Variants in IMPG1 observed in about 807,000 individuals in gnomAD.
IMPG1 encodes interphotoreceptor matrix proteoglycan of 150 kDa.
In IMPG1, 85 loss-of-function variants were observed where a neutral mutation model predicts 92.0. The observed-to-expected ratio is 0.92, with a 90% confidence interval of 0.78 to 1.11. IMPG1 has a LOEUF of 1.11. Among genes scored for constraint, IMPG1 ranks in the 50% least tolerant of loss-of-function variants. IMPG1 has a pLI of 0.00. For synonymous variants in IMPG1, 367 were observed against 334.1 expected, an observed-to-expected ratio of 1.10 and a Z score of -1.08; for missense variants, 1,022 against 956.0, an observed-to-expected ratio of 1.07 and a Z score of -0.91.
intron 7 of IMPG1, among the ~76,000 whole-genome samples, chr6:76,017,630 A>G (rs1162133999): frequency 1.3e-5 from 2 of 152,232 alleles, no homozygotes; most frequent in African/African-American, 2.4e-5. Flanking sequence ...GAATTTGTCT[A>G]TAAGTATATA....
At chr6:76,020,193 C>T (rs934795234) in intron 6 of IMPG1, among the ~76,000 whole-genome samples, 6 of 152,236 alleles carry the variant, frequency 3.9e-5, no homozygotes, top group South Asian at 2.1e-4. Context: ...GCTGGGACTA[C>T]AGGCATGGAC....
chr6:76,025,726 T>G (rs1783515512), intron 4 of IMPG1, among the ~76,000 whole-genome samples: 1 of 152,188 alleles, frequency 6.6e-6, no homozygotes, highest in African/African-American at 2.4e-5. Flanking sequence ...GGGAAAGAGA[T>G]AGATTTCTGG....
At chr6:76,004,544 G>A (rs1014250470) in intron 10 of IMPG1, among the ~76,000 whole-genome samples, 2 of 152,148 alleles carry the variant, frequency 1.3e-5, no homozygotes, top group Non-Finnish European at 2.9e-5. Flanking sequence ...GGCAGAAAAT[G>A]ACAGTTTCAT....
At chr6:76,010,741 A>T (rs1477039145) in intron 8 of IMPG1, among the ~76,000 whole-genome samples, 1 of 152,174 alleles carries the variant, frequency 6.6e-6, no homozygotes, top group Non-Finnish European at 1.5e-5. Context: ...CTCTCTTGGG[A>T]AGCATGGTTT....
At chr6:75,955,445 AT>A (rs1225304569) in intron 12 of IMPG1, among the ~76,000 whole-genome samples, 1 of 152,126 alleles carries the variant, frequency 6.6e-6, no homozygotes, top group African/African-American at 2.4e-5. Flanking sequence ...AATACTTGTG[AT>A]TTTTGCACAT....
chr6:75,991,684 G>A (rs917587688), intron 12 of IMPG1, among the ~76,000 whole-genome samples: 5 of 151,912 alleles, frequency 3.3e-5, no homozygotes, highest in Non-Finnish European at 7.4e-5. Flanking sequence ...CTTCTGCTAC[G>A]AGCTCCTTCC....
At chr6:75,992,736 A>G (rs1014410809) in intron 12 of IMPG1, among the ~76,000 whole-genome samples, 1 of 151,942 alleles carries the variant, frequency 6.6e-6, no homozygotes, top group Non-Finnish European at 1.5e-5. Flanking sequence ...TCCTTCCCCT[A>G]CTTATTTCTC....
chr6:75,937,399 C>T (rs972164389), intron 14 of IMPG1, among the ~76,000 whole-genome samples: 2 of 152,068 alleles, frequency 1.3e-5, no homozygotes, highest in African/African-American at 4.8e-5. Flanking sequence ...AATAAACAGC[C>T]TCTATAACCC....
rs1781493522 is a variant in IMPG1, at chr6:75,924,531, A to AATTAATATAATTATATATTAT, written c.2244-826_2244-825insATAATATATAATTATATTAAT. Among the ~76,000 whole-genome samples, 5 of 44,756 alleles carry AATTAATATAATTATATATTAT rather than the reference A, an allele frequency of 1.1e-4. No homozygotes were observed. In the East Asian group the frequency reaches 2.8e-3, roughly 25 times the overall value. 29.4% of individuals were successfully genotyped at this position (44,756 alleles called of 152,430 possible). A position where few individuals can be genotyped will look rare whatever the true frequency, so the allele number is the denominator to read the frequency against. On this transcript the variant is annotated intron_variant, in intron 15 of 16. Coordinates refer to ENST00000369950, the MANE Select transcript of IMPG1 (RefSeq NM_001563.4). ...TATAATTAATATAATTATATATTAT[A>AATTAATATAATTATATATTAT]ATATAATTATATAATATAATTAATA... is the stretch of plus-strand genomic sequence containing the variant.
rs191740403 is a variant in IMPG1, at chr6:76,000,736, T to C, written c.1291+2182A>G. ...TAAATTGATCAATTAGGAAGTCATC[T>C]GTGACTTTTGTGAAAGTTACATCCC... On this transcript the variant is annotated intron_variant, in intron 12 of 16. Coordinates refer to ENST00000369950, the MANE Select transcript of IMPG1 (RefSeq NM_001563.4). Among the ~76,000 whole-genome samples the C allele has an allele frequency of 2.4e-4, 36 of 152,336 alleles. 1 individual carries two copies. The highest frequency in any genetic ancestry group is 1.5e-3 in the Admixed American group (23 of 15,300).
Position 75,950,662 on chromosome 6 carries a change from A to T in IMPG1, c.1724T>A (p.Val575Glu). Residue 575 changes from valine (V) to glutamate (E), a missense_variant, in exon 13 of 17, where the codon GTG becomes GAG. Val to Glu is a moderately radical substitution (Grantham distance 121). Coordinates refer to ENST00000369950, the MANE Select transcript of IMPG1 (RefSeq NM_001563.4). ...TIAPKGRELV[V>E]FFSLRVANMA... Reference sequence around the variant, plus strand: ...GTTAGCAACACGCAGACTGAAGAACACTACCAGCTCTCGGCCCTTGGGGGC... The same window carrying T: ...GTTAGCAACACGCAGACTGAAGAACTCTACCAGCTCTCGGCCCTTGGGGGC... The T allele has an allele frequency of 6.2e-7, 1 of 1,613,912 alleles. No individual in the cohort carries two copies. The highest frequency in any genetic ancestry group is 1.1e-5 in the South Asian group (1 of 91,068).
chr6:75,989,155 C>T (rs907538338), intron 12 of IMPG1, among the ~76,000 whole-genome samples: 3 of 152,128 alleles, frequency 2.0e-5, no homozygotes, highest in Admixed American at 1.3e-4. Context: ...ATGGCATGAT[C>T]ATAGCTCACT....
At chr6:75,997,924 A>G (rs1443957288) in intron 12 of IMPG1, among the ~76,000 whole-genome samples, 1 of 152,192 alleles carries the variant, frequency 6.6e-6, no homozygotes, top group Non-Finnish European at 1.5e-5. Flanking sequence ...ACAGATGGTA[A>G]TTATAAATCC....
chr6:75,963,694 G>A (rs1582070156), intron 12 of IMPG1, among the ~76,000 whole-genome samples: 2 of 152,172 alleles, frequency 1.3e-5, no homozygotes, highest in African/African-American at 4.8e-5. Flanking sequence ...AGTGAACTTT[G>A]TGGCATTTTT....
chr6:75,965,673 G>A (rs527402319), intron 12 of IMPG1, among the ~76,000 whole-genome samples: 20 of 139,478 alleles, frequency 1.4e-4, no homozygotes, highest in Non-Finnish European at 2.4e-4. Flanking sequence ...AGTGTGGCCG[G>A]TCTTGGCTTA....
chr6:76,042,869 C>T (rs1414462063), intron 1 of IMPG1, among the ~76,000 whole-genome samples: 1 of 152,100 alleles, frequency 6.6e-6, no homozygotes, highest in African/African-American at 2.4e-5. Context: ...CTGGACCTCT[C>T]ATAATAACTT....
At chr6:75,924,877 C>G (rs1781525594) in intron 15 of IMPG1, among the ~76,000 whole-genome samples, 2 of 142,530 alleles carry the variant, frequency 1.4e-5, no homozygotes, top group Admixed American at 1.5e-4. Context: ...ATAAGCCAGA[C>G]ACAGACAAAT....
chr6:76,009,821 G>A (rs1783153904), intron 8 of IMPG1, among the ~76,000 whole-genome samples: 1 of 152,140 alleles, frequency 6.6e-6, no homozygotes, highest in Non-Finnish European at 1.5e-5. Flanking sequence ...ATTTATTGAA[G>A]GGAGGTGGAT....
chr6:75,930,948 C>G lies in IMPG1; in HGVS notation c.2243+5G>C. 6.2e-7 allele frequency: 1 copy of G among 1,613,354 alleles called. No homozygotes were observed. Among genetic ancestry groups the G allele is most frequent in the East Asian group, 2.2e-5 (1 of 44,876 alleles). On this transcript the variant is annotated splice_donor_5th_base_variant and intron_variant, in intron 15 of 16. Transcript: ENST00000369950. ...GAGTCTGTGACGTTAGCATGCTTGA[C>G]CCACCTGCATGGAGCTCCCTTTCCC...
Sources: gnomAD v4.1 joint callset for allele counts (sites outside exome capture counted in the v4.1 genomes callset) on GRCh38, gnomAD v4.1.1 for gene constraint, MANE v1.5 for transcripts, NCBI Gene and HGNC (gene_info 2026-07-23, HGNC 2026-07-21) for gene names.